DCDC1: variants seen among roughly 807,000 people sequenced by gnomAD.
DCDC1 encodes the protein doublecortin domain-containing protein 1.
In DCDC1, 200 loss-of-function variants were observed where a neutral mutation model predicts 178.3. The ratio of observed to expected loss-of-function variants is 1.12; its 90% CI spans 1.00 to 1.26. DCDC1 has a LOEUF of 1.26. Ranked by LOEUF, DCDC1 falls within the 50% of genes most tolerant of loss-of-function variation. The pLI is 0.00. For synonymous variants in DCDC1, 690 were observed against 604.8 expected, an observed-to-expected ratio of 1.14 and a Z score of -2.07; for missense variants, 1,983 against 1,749.2, an observed-to-expected ratio of 1.13 and a Z score of -2.38.
chr11:30,881,745 AT>A (rs937153990), intron 36 of DCDC1, among the ~76,000 whole-genome samples: 1 of 152,174 alleles, frequency 6.6e-6, no homozygotes, highest in Non-Finnish European at 1.5e-5. Flanking sequence ...AGTCTCCTCA[AT>A]GATAAAATGA....
chr11:30,956,908 C>G (rs188160856), intron 20 of DCDC1, among the ~76,000 whole-genome samples: 5 of 152,310 alleles, frequency 3.3e-5, no homozygotes, highest in Non-Finnish European at 7.3e-5. Context: ...CACATGACTT[C>G]TTTCTCATCA....
chr11:30,932,487 A>G (rs536961574), intron 21 of DCDC1, among the ~76,000 whole-genome samples: 1 of 152,270 alleles, frequency 6.6e-6, no homozygotes, highest in African/African-American at 2.4e-5. Flanking sequence ...TCATTTATTG[A>G]TTAATTCATG....
At chr11:31,307,062 G>C (rs539779187) in intron 4 of DCDC1, among the ~76,000 whole-genome samples, 1 of 152,218 alleles carries the variant, frequency 6.6e-6, no homozygotes, top group South Asian at 2.1e-4. Context: ...AAGTTAATTT[G>C]TAATGCCACA....
rs1220920292 is a variant in DCDC1, at chr11:30,903,548, A to C, written c.4444T>G (p.Ser1482Ala). ...ALDESFLQRD[S>A]EKQKQDAAPV... is the part of the protein sequence containing the mutation. ...GCTGCATCTTGCTTTTGTTTCTCAG[A>C]GTCTCTCTGGAGAAAGGATTCATCT... The change falls in exon 32 of 39, where the codon TCT (serine) becomes GCT (alanine). Residue 1482 changes from serine (S) to alanine (A), a missense_variant. By Grantham distance (99) the Ser-to-Ala change is moderately conservative. Transcript: ENST00000684477. 6.2e-7 allele frequency: 1 copy of C among 1,607,476 alleles called. No homozygotes were observed. Among genetic ancestry groups the C allele is most frequent in the Admixed American group, 1.7e-5 (1 of 59,082 alleles).
At chr11:31,261,706 C>A (rs986992645) in intron 8 of DCDC1, among the ~76,000 whole-genome samples, 4 of 152,118 alleles carry the variant, frequency 2.6e-5, no homozygotes, top group Middle Eastern at 3.4e-3. Context: ...CTCCAGTAAC[C>A]AATCCCCCAC....
At chr11:31,179,979 C>T (rs557952364) in intron 9 of DCDC1, among the ~76,000 whole-genome samples, 6 of 152,264 alleles carry the variant, frequency 3.9e-5, no homozygotes, top group Non-Finnish European at 8.8e-5. Flanking sequence ...AAGGGTGATT[C>T]AACATATGCA....
intron 20 of DCDC1, among the ~76,000 whole-genome samples, chr11:31,037,972 T>G (rs1377279651): frequency 6.7e-6 from 1 of 150,088 alleles, no homozygotes; most frequent in Admixed American, 6.7e-5. Context: ...CACCTATGAG[T>G]GAGAACATGC....
intron 11 of DCDC1, among the ~76,000 whole-genome samples, chr11:31,126,457 T>A (rs1015873463): frequency 6.6e-6 from 1 of 152,140 alleles, no homozygotes. Context: ...CATTTTTACA[T>A]TGTAATGTTC....
chr11:31,275,480 T>G (rs866157130), intron 7 of DCDC1, among the ~76,000 whole-genome samples: 20 of 152,158 alleles, frequency 1.3e-4, no homozygotes, highest in Admixed American at 9.8e-4. Flanking sequence ...ACAATTATCT[T>G]TCTGTCGTCG....
intron 6 of DCDC1, among the ~76,000 whole-genome samples, chr11:31,295,769 C>T (rs1042181967): frequency 9.2e-5 from 14 of 152,174 alleles, no homozygotes; most frequent in African/African-American, 3.4e-4. Flanking sequence ...CTAAAATCCT[C>T]ATCTCAGGTT....
chr11:31,084,604 A>C (rs555834699), intron 17 of DCDC1, among the ~76,000 whole-genome samples: 1 of 152,262 alleles, frequency 6.6e-6, no homozygotes. Flanking sequence ...AAAGGTGAGC[A>C]GGAGGGAGGA....
At chr11:30,985,746 C>T (rs946231974) in intron 20 of DCDC1, among the ~76,000 whole-genome samples, 1 of 152,196 alleles carries the variant, frequency 6.6e-6, no homozygotes, top group African/African-American at 2.4e-5. Context: ...ACATGATCAT[C>T]TGATTCCAAA....
chr11:31,252,305 A>G (rs1319769063), intron 8 of DCDC1, among the ~76,000 whole-genome samples: 1 of 152,186 alleles, frequency 6.6e-6, no homozygotes, highest in Non-Finnish European at 1.5e-5. Context: ...CTAAACTATT[A>G]AATAAAAATC....
intron 9 of DCDC1, among the ~76,000 whole-genome samples, chr11:31,165,073 C>A (rs917925752): frequency 5.9e-5 from 9 of 152,004 alleles, no homozygotes; most frequent in Admixed American, 3.9e-4. Flanking sequence ...ATAGGCTATA[C>A]CACATAGGAC....
chr11:31,273,864 G>A (rs1424141420), intron 7 of DCDC1, among the ~76,000 whole-genome samples: 1 of 152,190 alleles, frequency 6.6e-6, no homozygotes, highest in African/African-American at 2.4e-5. Flanking sequence ...GCAAATCGGA[G>A]CAAGTCATGT....
At chr11:31,091,761 C>CT (rs377151445) in intron 16 of DCDC1, among the ~76,000 whole-genome samples, 1 of 151,450 alleles carries the variant, frequency 6.6e-6, no homozygotes. Flanking sequence ...CTTCATTTGT[C>CT]TTTTTTTTTC....
In DCDC1 at chr11:31,079,312, G is replaced by A. The variant is rs1957041756; in HGVS notation, c.2238-1387C>T. 2.0e-5 allele frequency among the ~76,000 whole-genome samples: 3 copies of A among 152,280 alleles called. No homozygotes were observed. The South Asian group carries it at 6.2e-4, about 32-fold the overall frequency. On this transcript the variant is annotated intron_variant, in intron 17 of 38. Transcript: ENST00000684477. ...GAGGGTGGTGCATCCCAACTCCACA[G>A]GAACAGAAGCTCCTGTCCTCAGGAC...
chr11:31,248,024 A>C (rs906160479), intron 8 of DCDC1, among the ~76,000 whole-genome samples: 4 of 152,138 alleles, frequency 2.6e-5, no homozygotes, highest in Admixed American at 1.3e-4. Context: ...CAATACATAA[A>C]ATTGAAAATG....
chr11:31,299,279 AC>A (rs1257548792), intron 6 of DCDC1, among the ~76,000 whole-genome samples: 2 of 151,242 alleles, frequency 1.3e-5, no homozygotes, highest in African/African-American at 4.8e-5. Context: ...TAACTCAGTA[AC>A]ACTAGTCTGA....
Sources: allele counts gnomAD v4.1 joint callset (sites outside exome capture counted in the v4.1 genomes callset), GRCh38; gene constraint gnomAD v4.1.1; transcripts MANE v1.5; gene names NCBI Gene and HGNC (gene_info 2026-07-23, HGNC 2026-07-21).